The following NETO1 variants were observed in gnomAD, a reference collection of about 807,000 sequenced individuals.
NETO1 encodes the protein neuropilin and tolloid-like protein 1.
In NETO1, 26 loss-of-function variants were observed where a neutral mutation model predicts 61.3. That is an observed-to-expected ratio of 0.42 (90% CI 0.31 to 0.59). NETO1 has a LOEUF of 0.59. Among genes scored for constraint, NETO1 ranks in the 20% least tolerant of loss-of-function variants. NETO1 has a pLI of 0.12. For synonymous variants in NETO1, 225 were observed against 225.8 expected, an observed-to-expected ratio of 1.00 and a Z score of 0.03; for missense variants, 531 against 662.8, an observed-to-expected ratio of 0.80 and a Z score of 2.18.
At chr18:72,774,971 T>G (rs2071496858) in intron 7 of NETO1, among the ~76,000 whole-genome samples, 1 of 152,196 alleles carries the variant, frequency 6.6e-6, no homozygotes, top group African/African-American at 2.4e-5. Context: ...TCCCTGGGTT[T>G]CAAAATTGCT....
At chr18:72,822,319 G>A (rs1339303123) in intron 4 of NETO1, among the ~76,000 whole-genome samples, 1 of 152,184 alleles carries the variant, frequency 6.6e-6, no homozygotes, top group Non-Finnish European at 1.5e-5. Context: ...TGAGAAGCCT[G>A]ACTCCATATG....
chr18:72,756,275 C>T (rs979696516), intron 7 of NETO1, 128 bp from the exon 8 acceptor site: 10 of 547,022 alleles, frequency 1.8e-5, no homozygotes, highest in Non-Finnish European at 2.7e-5. Context: ...AATGATCTGC[C>T]GTGCGATTTT....
At chr18:72,867,093 G>A in intron 1 of NETO1, 171 bp downstream of exon 1, 1 of 501,420 alleles carries the variant, frequency 2.0e-6, no homozygotes, top group Non-Finnish European at 3.3e-6. Flanking sequence ...CCGCCCCCAC[G>A]CCCGGTTCCA....
chr18:72,744,052 G>A lies in NETO1; in HGVS notation c.*4127C>T, dbSNP rs2070380835. 1 of 152,110 alleles carries A rather than the reference G, an allele frequency of 6.6e-6. No individual in the cohort carries two copies. The highest frequency in any genetic ancestry group is 2.4e-5 in the African/African-American group (1 of 41,422). 9.4% of individuals were successfully genotyped at this position (152,110 alleles called of 1,614,324 possible). On this transcript the variant is annotated 3_prime_UTR_variant, in exon 11 of 11. Transcript: ENST00000327305. ...GAAACCAACCCAAGTAAATACACAA[G>A]TCCAAAGCAGGTTGAGTTTATTTTT...
chr18:72,801,255 C>CTTTT (rs369564499), intron 4 of NETO1, among the ~76,000 whole-genome samples: 1 of 151,904 alleles, frequency 6.6e-6, no homozygotes, highest in South Asian at 2.1e-4. Flanking sequence ...TCTGATTAGA[C>CTTTT]TCTTCCTCAG....
chr18:72,852,297 C>T (rs2074274517), intron 4 of NETO1, among the ~76,000 whole-genome samples: 1 of 152,168 alleles, frequency 6.6e-6, no homozygotes, highest in African/African-American at 2.4e-5. Flanking sequence ...TCACTGCAAC[C>T]TCCGCCTCCT....
chr18:72,772,749 C>CTCTCTATA (rs1344703171), intron 7 of NETO1, among the ~76,000 whole-genome samples: 17 of 27,142 alleles, frequency 6.3e-4, no homozygotes, highest in South Asian at 2.0e-3. Flanking sequence ...ACACATCTCT[C>CTCTCTATA]TATATATATC....
chr18:72,841,262 G>C (rs1316917511), intron 4 of NETO1, among the ~76,000 whole-genome samples: 2 of 152,130 alleles, frequency 1.3e-5, no homozygotes, highest in South Asian at 2.1e-4. Context: ...TTATATTTGT[G>C]TTTTCTGAGA....
intron 4 of NETO1, among the ~76,000 whole-genome samples, chr18:72,845,440 T>C (rs1386407014): frequency 6.6e-6 from 1 of 152,084 alleles, no homozygotes; most frequent in Non-Finnish European, 1.5e-5. Flanking sequence ...TATAGAAAAA[T>C]AAATGATATA....
chr18:72,866,968 C>T (rs945927242), intron 1 of NETO1: 2 of 411,910 alleles, frequency 4.9e-6, no homozygotes, highest in Non-Finnish European at 8.3e-6. Flanking sequence ...GGGCCAATCT[C>T]TGCCGCACGT....
chr18:72,760,513 G>C (rs4892039), intron 7 of NETO1, among the ~76,000 whole-genome samples: 2 of 151,890 alleles, frequency 1.3e-5, no homozygotes, highest in Non-Finnish European at 2.9e-5. Flanking sequence ...TTGCTTCCTC[G>C]TGAGCAAAAG....
intron 4 of NETO1, among the ~76,000 whole-genome samples, chr18:72,813,910 C>T (rs1291310319): frequency 2.0e-5 from 3 of 151,892 alleles, no homozygotes; most frequent in East Asian, 1.9e-4. Context: ...AAAATCTATA[C>T]ACTATGCAGA....
intron 4 of NETO1, among the ~76,000 whole-genome samples, chr18:72,844,932 C>T (rs2074040172): frequency 7.1e-6 from 1 of 141,288 alleles, no homozygotes; most frequent in Non-Finnish European, 1.6e-5. Flanking sequence ...GGAAGCAGCA[C>T]TGAAGCGCAG....
Position 72,814,029 on chromosome 18 carries a change from C to T in NETO1, c.470-19625G>A, listed in dbSNP as rs78948178. On this transcript the variant is annotated intron_variant, in intron 4 of 10. Transcript: ENST00000327305. ...ATTCAGCAAGCTGAAAAAAAATGCTCATCCAGACTTCAACATCCAAGAATG... is the reference window on the plus strand; with the variant it reads ...ATTCAGCAAGCTGAAAAAAAATGCTTATCCAGACTTCAACATCCAAGAATG... Among the ~76,000 whole-genome samples, 143 of 152,152 alleles carry T rather than the reference C, an allele frequency of 9.4e-4. 2 individuals carry two copies. The East Asian group carries it at 0.025, about 27-fold the overall frequency.
At chr18:72,840,595 T>C (rs1479562776) in intron 4 of NETO1, among the ~76,000 whole-genome samples, 1 of 152,168 alleles carries the variant, frequency 6.6e-6, no homozygotes, top group African/African-American at 2.4e-5. Flanking sequence ...ATGCATTATA[T>C]AACCCAACAG....
intron 4 of NETO1, among the ~76,000 whole-genome samples, chr18:72,840,717 G>A (rs9964475): frequency 0.96 from 146,216 of 152,274 alleles, 70,292 homozygotes; most frequent in Non-Finnish European, 0.99. Context: ...AAAAGATTGT[G>A]GCTAACTGAA....
At chr18:72,789,210 GCACACACACACACACACA>G (rs71166426) in intron 6 of NETO1, among the ~76,000 whole-genome samples, 13 of 141,458 alleles carry the variant, frequency 9.2e-5, no homozygotes, top group African/African-American at 3.4e-4. Context: ...TAACACACAA[GCACACACACACACACACA>G]CACACACACA....
intron 3 of NETO1, 29 bp from the exon 4 acceptor site, chr18:72,859,103 G>A: frequency 6.5e-7 from 1 of 1,547,246 alleles, no homozygotes; most frequent in Non-Finnish European, 8.7e-7. Context: ...GTGTCTAGGA[G>A]GTCATTTCTT....
At chr18:72,800,898 A>G (rs991045739) in intron 4 of NETO1, among the ~76,000 whole-genome samples, 4 of 152,194 alleles carry the variant, frequency 2.6e-5, no homozygotes, top group African/African-American at 7.2e-5. Context: ...CACTTGTCCA[A>G]TCCACAGGTT....
Sources: allele counts gnomAD v4.1 joint callset (sites outside exome capture counted in the v4.1 genomes callset), GRCh38; gene constraint gnomAD v4.1.1; transcripts MANE v1.5; gene names NCBI Gene and HGNC (gene_info 2026-07-23, HGNC 2026-07-21).